The following NOS1AP variants were observed in gnomAD, a reference collection of about 807,000 sequenced individuals.
The protein encoded by NOS1AP is carboxyl-terminal PDZ ligand of neuronal nitric oxide synthase protein.
In NOS1AP, 21 loss-of-function variants were observed where a neutral mutation model predicts 56.2. The observed-to-expected ratio is 0.37, with a 90% CI of 0.26 to 0.54. The LOEUF is 0.54. Ranked by LOEUF, NOS1AP falls within the 20% of genes least tolerant of loss-of-function variation. The pLI is 0.84. For missense variants in NOS1AP, 522 were observed against 657.8 expected (o/e 0.79, Z 2.26); for synonymous variants, 270 against 274.6 (o/e 0.98, Z 0.17).
intron 8 of NOS1AP, chr1:162,360,659 G>A (rs1416014925): frequency 6.7e-5 from 25 of 372,770 alleles, no homozygotes; most frequent in Non-Finnish European, 3.8e-5. Flanking sequence ...TAGAGGAACA[G>A]TGCTAACAAA....
intron 1 of NOS1AP, among the ~76,000 whole-genome samples, chr1:162,113,634 G>T (rs943627135): frequency 2.6e-5 from 4 of 152,132 alleles, no homozygotes; most frequent in African/African-American, 7.2e-5. Flanking sequence ...GAAGTGGTGG[G>T]GGTAGGGAGG....
chr1:162,317,710 A>G (rs1435590480), intron 4 of NOS1AP: 1 of 152,196 alleles, frequency 6.6e-6, no homozygotes, highest in Non-Finnish European at 1.5e-5. Context: ...TCTCCTCTCT[A>G]AGAAAATAAC....
At chr1:162,208,935 A>G (rs1379964781) in intron 2 of NOS1AP, among the ~76,000 whole-genome samples, 2 of 152,252 alleles carry the variant, frequency 1.3e-5, no homozygotes, top group Non-Finnish European at 2.9e-5. Flanking sequence ...ATTAGCTCGT[A>G]TTAAATAAAT....
At chr1:162,228,089 G>C (rs1465728375) in intron 2 of NOS1AP, among the ~76,000 whole-genome samples, 1 of 152,222 alleles carries the variant, frequency 6.6e-6, no homozygotes, top group Non-Finnish European at 1.5e-5. Context: ...CAGTCGAAGA[G>C]ATCAACATAG....
chr1:162,111,211 G>A (rs1350111393), intron 1 of NOS1AP, among the ~76,000 whole-genome samples: 1 of 152,190 alleles, frequency 6.6e-6, no homozygotes, highest in Non-Finnish European at 1.5e-5. Flanking sequence ...AGGTCAGATA[G>A]GACTAGAGTA....
chr1:162,087,803 C>T (rs1056938729), intron 1 of NOS1AP, among the ~76,000 whole-genome samples: 1 of 152,194 alleles, frequency 6.6e-6, no homozygotes. Flanking sequence ...ATTCCACATG[C>T]TCCTGGACTG....
intron 4 of NOS1AP, among the ~76,000 whole-genome samples, chr1:162,325,910 C>T (rs986192641): frequency 3.9e-5 from 6 of 152,070 alleles, no homozygotes; most frequent in African/African-American, 1.4e-4. Flanking sequence ...CCTAGCCCCA[C>T]CGAGAGATAC....
intron 3 of NOS1AP, 103 bp downstream of exon 3, chr1:162,287,539 T>C (rs1357168377): frequency 1.9e-5 from 15 of 810,256 alleles, no homozygotes; most frequent in African/African-American, 5.0e-5. Context: ...AATCCCTCCC[T>C]TATCTGGCAA....
chr1:162,356,361 C>T (rs1024634393), intron 7 of NOS1AP, among the ~76,000 whole-genome samples: 1 of 152,230 alleles, frequency 6.6e-6, no homozygotes, highest in Non-Finnish European at 1.5e-5. Flanking sequence ...CTAAGAGGAT[C>T]TCTCCAGATC....
chr1:162,270,520 T>C (rs17459671), intron 2 of NOS1AP, among the ~76,000 whole-genome samples: 3,863 of 152,354 alleles, frequency 0.025, 69 homozygotes, highest in Non-Finnish European at 0.038. Flanking sequence ...ATAGAAACTC[T>C]TTCAAGCTGT....
intron 4 of NOS1AP, among the ~76,000 whole-genome samples, chr1:162,325,318 T>C (rs551456251): frequency 6.6e-6 from 1 of 151,984 alleles, no homozygotes; most frequent in East Asian, 1.9e-4. Context: ...AAAGAATGAG[T>C]AACAGCTGCG....
rs145836462 is a variant in NOS1AP, at chr1:162,364,978, G to A, written c.940-426G>A. The A allele has an allele frequency of 5.3e-4, 558 of 1,052,092 alleles. 2 individuals carry two copies. In the African/African-American group the frequency reaches 8.4e-3, roughly 16 times the overall value. The allele number at this position is 1,052,092 out of a possible 1,614,324, so 65.2% of individuals were successfully genotyped here. ...TGTTTTTTAGAAGACAGGATGAGAA[G>A]AGAGTGCCCCCTTCCACCTCCAACA... On this transcript the variant is annotated intron_variant, in intron 8 of 9. Transcript: ENST00000361897.
At chr1:162,349,153 C>G (rs556418393) in intron 6 of NOS1AP, among the ~76,000 whole-genome samples, 9 of 151,864 alleles carry the variant, frequency 5.9e-5, no homozygotes, top group Non-Finnish European at 1.0e-4. Flanking sequence ...CACCATTACA[C>G]TCCAGCCTGG....
chr1:162,301,264 A>G (rs1655644553), intron 4 of NOS1AP, among the ~76,000 whole-genome samples: 1 of 152,162 alleles, frequency 6.6e-6, no homozygotes, highest in African/African-American at 2.4e-5. Context: ...TGATTAAGTC[A>G]TGAGGGTGGG....
At chr1:162,160,305 C>T (rs1650148370) in intron 2 of NOS1AP, among the ~76,000 whole-genome samples, 1 of 152,136 alleles carries the variant, frequency 6.6e-6, no homozygotes, top group Non-Finnish European at 1.5e-5. Flanking sequence ...CACCGGTGAC[C>T]AGAAAATGGC....
In NOS1AP at chr1:162,113,388, C is replaced by T. The variant is rs956575712; in HGVS notation, c.106-41017C>T. On this transcript the variant is annotated intron_variant, in intron 1 of 9. Coordinates refer to ENST00000361897, the MANE Select transcript of NOS1AP (RefSeq NM_014697.3). Reference sequence around the variant, plus strand: ...GCAGCCCCACAGTGGAATGTGTTGTCGGGCAAAGGCTGCTGATGAGGGCAC... The same window carrying T: ...GCAGCCCCACAGTGGAATGTGTTGTTGGGCAAAGGCTGCTGATGAGGGCAC... Among the ~76,000 whole-genome samples the T allele has an allele frequency of 3.9e-5, 6 of 152,204 alleles. 1 individual carries two copies. The highest frequency in any genetic ancestry group is 4.2e-4 in the South Asian group (2 of 4,806).
At chr1:162,167,385 C>G (rs928320774) in intron 2 of NOS1AP, among the ~76,000 whole-genome samples, 1 of 152,254 alleles carries the variant, frequency 6.6e-6, no homozygotes, top group Admixed American at 6.5e-5. Flanking sequence ...ATGATCTTTT[C>G]CTTTTTACTC....
intron 2 of NOS1AP, among the ~76,000 whole-genome samples, chr1:162,193,391 G>A (rs1390717627): frequency 6.6e-6 from 1 of 152,152 alleles, no homozygotes; most frequent in African/African-American, 2.4e-5. Flanking sequence ...GGCATAAAGG[G>A]ATAGACCCAG....
At chr1:162,251,497 G>A (rs976292617) in intron 2 of NOS1AP, among the ~76,000 whole-genome samples, 18 of 152,046 alleles carry the variant, frequency 1.2e-4, no homozygotes, top group African/African-American at 4.3e-4. Context: ...CTGTGACACT[G>A]GGTTTTTAAG....
Sources: allele counts gnomAD v4.1 joint callset (sites outside exome capture counted in the v4.1 genomes callset), GRCh38; gene constraint gnomAD v4.1.1; transcripts MANE v1.5; gene names NCBI Gene and HGNC (gene_info 2026-07-23, HGNC 2026-07-21).